The following PTPRM variants were observed in gnomAD, a reference collection of about 807,000 sequenced individuals.
The protein encoded by PTPRM is protein tyrosine phosphatase receptor type M.
Under a neutral mutation model 186.7 loss-of-function variants are expected in PTPRM, and 47 were observed. The observed-to-expected ratio is 0.25, with a 90% CI of 0.20 to 0.32. PTPRM has a LOEUF of 0.32. PTPRM is among the 10% of genes least tolerant of loss of function. The pLI is 1.00. For missense variants in PTPRM, 1,494 were observed against 1,865.0 expected (o/e 0.80, Z 3.66); for synonymous variants, 668 against 674.9 (o/e 0.99, Z 0.16).
intron 1 of PTPRM, among the ~76,000 whole-genome samples, chr18:7,692,488 G>C (rs2039755003): frequency 6.6e-6 from 1 of 152,198 alleles, no homozygotes; most frequent in South Asian, 2.1e-4. Context: ...TTAAAAAACT[G>C]GGTATTAGAG....
chr18:8,392,589 T>C (rs905572531), intron 31 of PTPRM, among the ~76,000 whole-genome samples: 6 of 151,522 alleles, frequency 4.0e-5, no homozygotes, highest in Non-Finnish European at 5.9e-5. Context: ...ATCGCGCCAC[T>C]GCACTCCAGC....
chr18:8,244,916 G>C (rs755369500), intron 15 of PTPRM, among the ~76,000 whole-genome samples: 1 of 152,160 alleles, frequency 6.6e-6, no homozygotes, highest in Non-Finnish European at 1.5e-5. Context: ...GTTCAAGGTC[G>C]GGGGTTTCTT....
At chr18:7,936,138 C>T (rs2051791473) in intron 5 of PTPRM, among the ~76,000 whole-genome samples, 1 of 152,196 alleles carries the variant, frequency 6.6e-6, no homozygotes, top group South Asian at 2.1e-4. Flanking sequence ...AAGCCCCACC[C>T]ACTGCTGAGC....
chr18:8,184,771 A>AT (rs535637955), intron 14 of PTPRM, among the ~76,000 whole-genome samples: 612 of 152,180 alleles, frequency 4.0e-3, no homozygotes, highest in Non-Finnish European at 6.9e-3. Context: ...CCTTTTTTAG[A>AT]TTTTTTTCAG....
At chr18:7,579,635 T>C (rs1023343962) in intron 1 of PTPRM, among the ~76,000 whole-genome samples, 1 of 152,222 alleles carries the variant, frequency 6.6e-6, no homozygotes, top group Non-Finnish European at 1.5e-5. Flanking sequence ...CTGGAATGTT[T>C]AGAATATAGT....
At chr18:8,388,681 G>A (rs1479744291) in intron 31 of PTPRM, among the ~76,000 whole-genome samples, 1 of 152,112 alleles carries the variant, frequency 6.6e-6, no homozygotes, top group Non-Finnish European at 1.5e-5. Context: ...ATCTCTGTTG[G>A]CCAGGCGCAG....
intron 3 of PTPRM, among the ~76,000 whole-genome samples, chr18:7,891,146 C>G (rs1209744906): frequency 1.3e-5 from 2 of 151,108 alleles, no homozygotes; most frequent in Non-Finnish European, 2.9e-5. Context: ...ATTAGCAGGA[C>G]ATGGTGGCGT....
intron 8 of PTPRM, among the ~76,000 whole-genome samples, chr18:8,073,121 T>G (rs1372411857): frequency 1.3e-5 from 2 of 152,228 alleles, no homozygotes; most frequent in African/African-American, 4.8e-5. Flanking sequence ...TTATACGAAT[T>G]GAATGAAACA....
chr18:8,368,811 C>T (rs1456055906), intron 23 of PTPRM, among the ~76,000 whole-genome samples: 1 of 152,190 alleles, frequency 6.6e-6, no homozygotes, highest in Non-Finnish European at 1.5e-5. Flanking sequence ...TATATGTATA[C>T]ATTGCATATT....
At chr18:7,758,446 C>G (rs992453260) in intron 1 of PTPRM, among the ~76,000 whole-genome samples, 12 of 152,272 alleles carry the variant, frequency 7.9e-5, no homozygotes, top group African/African-American at 2.9e-4. Flanking sequence ...GAAGTGAAGG[C>G]TTACCACCCA....
At chr18:7,856,436 T>C (rs751572031) in intron 2 of PTPRM, among the ~76,000 whole-genome samples, 1 of 152,176 alleles carries the variant, frequency 6.6e-6, no homozygotes. Flanking sequence ...GATACCCACA[T>C]TAGACCAGTT....
chr18:7,651,838 A>G (rs528498391), intron 1 of PTPRM, among the ~76,000 whole-genome samples: 11 of 152,286 alleles, frequency 7.2e-5, no homozygotes, highest in Non-Finnish European at 1.0e-4. Context: ...GGACATAGGC[A>G]TGGGCAAGGA....
At chr18:8,324,146 C>T (rs1244825710) in intron 22 of PTPRM, among the ~76,000 whole-genome samples, 1 of 152,166 alleles carries the variant, frequency 6.6e-6, no homozygotes, top group African/African-American at 2.4e-5. Flanking sequence ...TAGGGGTTAA[C>T]AAAATGTCAC....
chr18:8,139,024 T>A (rs1364703183), intron 13 of PTPRM, among the ~76,000 whole-genome samples: 2 of 152,088 alleles, frequency 1.3e-5, no homozygotes, highest in Admixed American at 1.3e-4. Flanking sequence ...ATGACTGTAA[T>A]CACCATCTTT....
At chr18:8,349,179 A>G (rs1226539003) in intron 23 of PTPRM, among the ~76,000 whole-genome samples, 2 of 152,196 alleles carry the variant, frequency 1.3e-5, no homozygotes, top group Non-Finnish European at 2.9e-5. Flanking sequence ...TCTTTTGTGC[A>G]ACAGCCACCA....
At chr18:7,676,730 C>A (rs10153440) in intron 1 of PTPRM, among the ~76,000 whole-genome samples, 46,666 of 150,918 alleles carry the variant, frequency 0.31, 10,274 homozygotes, top group African/African-American at 0.62. Context: ...GTTAGGACAC[C>A]CAAGTCTAAA....
Position 8,295,375 on chromosome 18 carries a change from C to G in PTPRM, c.2755-993C>G, listed in dbSNP as rs1490242012. 8.1e-4 allele frequency among the ~76,000 whole-genome samples: 123 copies of G among 151,552 alleles called. 1 individual carries two copies. Among genetic ancestry groups the G allele is most frequent in the Non-Finnish European group, 4.4e-5 (3 of 67,918 alleles). ...TGAACACCACAGGTGAGATGGAGAC[C>G]GGGGAGGAAGGAAGAGCTTCTGTTT... On this transcript the variant is annotated intron_variant, in intron 19 of 32. Transcript: ENST00000580170.
chr18:7,955,229 G>T lies in PTPRM; in HGVS notation c.947G>T (p.Arg316Leu). ...SINGDGPIVA[R>L]EVEYCTASGS... ...AATGGGGATGGGCCCATTGTGGCCCGAGAGGTGGAGTACTGCACGGCCAGT... is the reference window on the plus strand; with the variant it reads ...AATGGGGATGGGCCCATTGTGGCCCTAGAGGTGGAGTACTGCACGGCCAGT... The change falls in exon 7 of 33, where the codon CGA (arginine) becomes CTA (leucine). Residue 316 changes from arginine to leucine, a missense_variant. Physicochemically the swap from Arg to Leu is moderately radical, Grantham distance 102 (BLOSUM62 -2). Around this residue, in one of 3 missense-constraint regions of PTPRM, gnomAD observed 91 missense variants for 169.3 expected, o/e 0.54. Transcript: ENST00000580170. The T allele has an allele frequency of 6.2e-7, 1 of 1,614,150 alleles. No homozygotes were observed. Among genetic ancestry groups the T allele is most frequent in the Non-Finnish European group, 8.5e-7 (1 of 1,180,036 alleles).
chr18:7,923,622 T>C (rs149100171), intron 4 of PTPRM, among the ~76,000 whole-genome samples: 1,984 of 152,182 alleles, frequency 0.013, 19 homozygotes, highest in South Asian at 0.033. Context: ...TAACAAAAGA[T>C]TGGGGAGTGG....
Sources: gnomAD v4.1 joint callset for allele counts (sites outside exome capture counted in the v4.1 genomes callset) on GRCh38, gnomAD v4.1.1 for gene constraint, gnomAD v4.1.1 regional missense constraint, MANE v1.5 for transcripts, NCBI Gene and HGNC (gene_info 2026-07-23, HGNC 2026-07-21) for gene names.